The following GAPVD1 variants were observed in gnomAD, a reference collection of about 807,000 sequenced individuals.
GAPVD1 encodes GTPase activating protein and VPS9 domains 1.
A neutral mutation model predicts 155.5 loss-of-function variants in GAPVD1; 35 were observed. The ratio of observed to expected loss-of-function variants is 0.23; its 90% CI spans 0.17 to 0.30. The LOEUF (loss-of-function observed/expected upper bound fraction) is 0.30, where lower values mean the gene tolerates loss of function less well. Ranked by LOEUF, GAPVD1 falls within the 10% of genes least tolerant of loss-of-function variation. The pLI, the probability that GAPVD1 is intolerant of heterozygous loss-of-function variation, is 1.00. For synonymous variants in GAPVD1, 636 were observed against 619.7 expected (o/e 1.03, Z -0.39); for missense variants, 1,429 against 1,775.7 (o/e 0.80, Z 3.51).
In GAPVD1 at chr9:125,332,590, G is replaced by A; in HGVS notation, c.2389G>A (p.Asp797Asn). 6.2e-7 allele frequency: 1 copy of A among 1,610,512 alleles called. No individual in the cohort carries two copies. Among genetic ancestry groups the A allele is most frequent in the East Asian group, 2.2e-5 (1 of 44,840 alleles). Residue 797 changes from aspartate to asparagine, a missense_variant, in exon 15 of 28, where the codon GAT (aspartate) becomes AAT (asparagine). By Grantham distance (23) the Asp-to-Asn change is conservative. This residue lies in a region of GAPVD1 where 699 missense variants were observed against 826.0 expected (regional missense o/e 0.85). Coordinates refer to ENST00000297933, the MANE Select transcript of GAPVD1 (RefSeq NM_001282680.3). The part of the protein sequence containing the change: ...SECSSDFGGK[D>N]SVTSPDMDEI... ...GTGCAGCTCTGATTTTGGGGGTAAA[G>A]ATTCTGTCACTAGTCCAGACATGGA... is the stretch of plus-strand genomic sequence containing the variant.
At chr9:125,307,637 C>A in intron 7 of GAPVD1, 54 bp from the exon 8 acceptor site, 3 of 1,569,106 alleles carry the variant, frequency 1.9e-6, no homozygotes, top group Non-Finnish European at 2.6e-6. Flanking sequence ...GTGGGAAATA[C>A]ATATTGTATT....
At chr9:125,344,225 T>C (rs894470935) in intron 19 of GAPVD1, among the ~76,000 whole-genome samples, 3 of 152,186 alleles carry the variant, frequency 2.0e-5, no homozygotes, top group Non-Finnish European at 4.4e-5. Context: ...CCCTAACTAC[T>C]GTTCTTTTCC....
rs1835430008 is a variant in GAPVD1, at chr9:125,274,456, C to A, written c.-150+5472C>A. Among the ~76,000 whole-genome samples, 8 of 149,360 alleles carry A rather than the reference C, an allele frequency of 5.4e-5. No homozygotes were observed. The South Asian group carries it at 1.7e-3, about 31-fold the overall frequency. On this transcript the variant is annotated intron_variant, in intron 2 of 27. Transcript: ENST00000297933. Reference sequence around the variant, plus strand: ...TAGTTAACATTATATATAATAAGCGCTTTGTACTTTTTTTTTTTTTTTTTG... The same window carrying A: ...TAGTTAACATTATATATAATAAGCGATTTGTACTTTTTTTTTTTTTTTTTG...
chr9:125,337,372 A>T lies in GAPVD1; in HGVS notation c.2658A>T (p.Ala886=). ...TTTTAACTCCAGCTGAAATGGAGGC[A>T]TTCAAGCAAAGGCATTCTTACCCTG... is the stretch of plus-strand genomic sequence containing the variant. ...SHVLTPAEME[A]FKQRHSYPER... is the part of the protein sequence containing the mutation. Residue 886 remains alanine (A), a synonymous_variant, in exon 17 of 28, where the codon GCA becomes GCT. Coordinates refer to ENST00000297933, the MANE Select transcript of GAPVD1 (RefSeq NM_001282680.3). 1 of 1,614,214 alleles carries T rather than the reference A, an allele frequency of 6.2e-7. No homozygotes were observed. Among genetic ancestry groups the T allele is most frequent in the African/African-American group, 1.3e-5 (1 of 75,056 alleles).
chr9:125,331,182 T>G (rs1390882358), intron 13 of GAPVD1, among the ~76,000 whole-genome samples: 1 of 149,908 alleles, frequency 6.7e-6, no homozygotes, highest in Non-Finnish European at 1.5e-5. Flanking sequence ...AATTATTAAG[T>G]GATCCTGATA....
intron 2 of GAPVD1, among the ~76,000 whole-genome samples, chr9:125,284,060 G>T (rs1185825427): frequency 1.3e-5 from 2 of 151,806 alleles, no homozygotes; most frequent in African/African-American, 4.8e-5. Context: ...ATTTTTAGTA[G>T]AGATGGGGTT....
intron 1 of GAPVD1, among the ~76,000 whole-genome samples, chr9:125,265,836 G>A (rs547863829): frequency 1.4e-5 from 2 of 148,104 alleles, no homozygotes; most frequent in East Asian, 4.0e-4. Context: ...GGAGTTTGAG[G>A]GCCACTTGAG....
At chr9:125,276,792 G>GC (rs1198977951) in intron 2 of GAPVD1, among the ~76,000 whole-genome samples, 2 of 152,044 alleles carry the variant, frequency 1.3e-5, no homozygotes, top group African/African-American at 4.8e-5. Flanking sequence ...ACAGGGCCTC[G>GC]CTCTTGCCTG....
At chr9:125,340,182 G>A (rs184635787) in intron 17 of GAPVD1, among the ~76,000 whole-genome samples, 114 of 152,174 alleles carry the variant, frequency 7.5e-4, no homozygotes, top group African/African-American at 1.6e-3. Flanking sequence ...CACCACGCCC[G>A]GCCAATTTTT....
At chr9:125,337,866 A>G (rs542279284) in intron 17 of GAPVD1, among the ~76,000 whole-genome samples, 1 of 152,110 alleles carries the variant, frequency 6.6e-6, no homozygotes, top group Non-Finnish European at 1.5e-5. Flanking sequence ...TCTTTCTGAG[A>G]TGTTAGATGA....
At chr9:125,268,034 C>T (rs181373880) in intron 1 of GAPVD1, among the ~76,000 whole-genome samples, 5 of 151,892 alleles carry the variant, frequency 3.3e-5, no homozygotes, top group East Asian at 1.9e-4. Flanking sequence ...CGTGGTGGCT[C>T]GCGCCTGTAA....
intron 15 of GAPVD1, chr9:125,335,387 T>TA: frequency 2.4e-6 from 1 of 411,616 alleles, no homozygotes; most frequent in African/African-American, 2.1e-5. Context: ...TTTTTTTTTT[T>TA]AAAAATGGGG....
intron 15 of GAPVD1, chr9:125,335,124 C>A (rs1358395993): frequency 1.4e-6 from 1 of 726,350 alleles, no homozygotes; most frequent in Non-Finnish European, 2.5e-6. Context: ...TCTGAAAAGG[C>A]TACTAACATA....
chr9:125,307,951 T>C (rs766540171), intron 8 of GAPVD1, 71 bp downstream of exon 8: 2 of 1,030,046 alleles, frequency 1.9e-6, no homozygotes, highest in Non-Finnish European at 3.1e-6. Flanking sequence ...TATTGCTGAG[T>C]GTTTTGGAAC....
rs1478731014 is a variant in GAPVD1 at position 125,366,538 on chromosome 9, G to C, written c.*3792G>C. The C allele has an allele frequency of 6.6e-6, 1 of 152,034 alleles. No homozygotes were observed. The highest frequency in any genetic ancestry group is 1.9e-4 in the East Asian group (1 of 5,198). 9.4% of individuals were successfully genotyped at this position (152,034 alleles called of 1,614,324 possible). On this transcript the variant is annotated 3_prime_UTR_variant, in exon 28 of 28. Coordinates refer to ENST00000297933, the MANE Select transcript of GAPVD1 (RefSeq NM_001282680.3). ...GCTTTGTTTCTTTAAAGAAAAGGCT[G>C]TTGTCTCTCTTTTTAAATATTTAAG... is the stretch of plus-strand genomic sequence containing the variant.
In GAPVD1 at chr9:125,364,050, AT is replaced by A. The variant is rs1350955836; in HGVS notation, c.*1307del. The A allele has an allele frequency of 1.3e-5, 2 of 152,478 alleles. No individual in the cohort carries two copies. The highest frequency in any genetic ancestry group is 4.8e-5 in the African/African-American group (2 of 41,402). The allele number at this position is 152,478 out of a possible 1,614,324, so 9.4% of individuals were successfully genotyped here. A position where few individuals can be genotyped will look rare whatever the true frequency, so the allele number is the denominator to read the frequency against. ...TTCACTTCGTGTGTTTCCTAAACAC[AT>A]TTAGCTGCTTTTTTAACAAACTCAG... On this transcript the variant is annotated 3_prime_UTR_variant, in exon 28 of 28. Coordinates refer to ENST00000297933, the MANE Select transcript of GAPVD1 (RefSeq NM_001282680.3).
rs139694328 is a variant in GAPVD1 at position 125,350,715 on chromosome 9, A to G, written c.3412A>G (p.Asn1138Asp). ...GAATTCTTGTATCTTTTATTTAGACAATGAAATTGTATGCTTCTTAAAAGT... is the reference window on the plus strand; with the variant it reads ...GAATTCTTGTATCTTTTATTTAGACGATGAAATTGTATGCTTCTTAAAAGT... ...GLPDHTDPED[N>D]EIVCFLKVQI... Residue 1138 changes from asparagine to aspartate, a missense_variant and splice_region_variant, in exon 23 of 28, where the codon AAT (asparagine) becomes GAT (aspartate). Transcript: ENST00000297933. 3.9e-5 allele frequency: 59 copies of G among 1,495,454 alleles called. No homozygotes were observed. Among genetic ancestry groups the G allele is most frequent in the Non-Finnish European group, 5.2e-5 (56 of 1,076,324 alleles). The allele number at this position is 1,495,454 out of a possible 1,614,324, so 92.6% of individuals were successfully genotyped here. A position where few individuals can be genotyped will look rare whatever the true frequency, so the allele number is the denominator to read the frequency against.
chr9:125,352,471 C>T (rs981369578), intron 23 of GAPVD1, among the ~76,000 whole-genome samples: 2 of 152,242 alleles, frequency 1.3e-5, no homozygotes, highest in Non-Finnish European at 2.9e-5. Context: ...TCTGAAGCCA[C>T]AGCCTGAGCT....
chr9:125,305,472 A>G (rs1278752259), intron 6 of GAPVD1, among the ~76,000 whole-genome samples: 1 of 150,336 alleles, frequency 6.7e-6, no homozygotes, highest in African/African-American at 2.5e-5. Context: ...TCCGGGTTCA[A>G]GCAACTCTCT....
Sources: gnomAD v4.1 joint callset for allele counts (sites outside exome capture counted in the v4.1 genomes callset) on GRCh38, gnomAD v4.1.1 for gene constraint, gnomAD v4.1.1 regional missense constraint, MANE v1.5 for transcripts, NCBI Gene and HGNC (gene_info 2026-07-23, HGNC 2026-07-21) for gene names.